Variants in ROR1 observed in about 807,000 individuals in gnomAD.
ROR1 encodes the protein ROR family WNT receptor 1, also known as inactive tyrosine-protein kinase transmembrane receptor ROR1.
ROR1 carries 19 observed loss-of-function variants against 78.8 expected under a neutral mutation model. The ratio of observed to expected loss-of-function variants is 0.24; its 90% CI spans 0.17 to 0.35. The LOEUF is 0.35. ROR1 is among the 10% of genes least tolerant of loss of function. The pLI is 1.00. For missense variants in ROR1, 917 were observed against 1,177.8 expected, an observed-to-expected ratio of 0.78 and a Z score of 3.24; for synonymous variants, 386 against 433.6, an observed-to-expected ratio of 0.89 and a Z score of 1.36.
chr1:63,917,426 A>G (rs2100424203), intron 1 of ROR1, among the ~76,000 whole-genome samples: 1 of 152,292 alleles, frequency 6.6e-6, no homozygotes, highest in Non-Finnish European at 1.5e-5. Flanking sequence ...TATACTTTAA[A>G]ATTTTTTTTC....
chr1:64,162,139 TA>T (rs1362777404), intron 8 of ROR1, among the ~76,000 whole-genome samples: 1 of 152,320 alleles, frequency 6.6e-6, no homozygotes, highest in East Asian at 1.9e-4. Context: ...GAATGAAGGA[TA>T]GAAGCCAGTC....
chr1:64,103,275 G>A (rs972452741), intron 4 of ROR1, among the ~76,000 whole-genome samples: 4 of 151,654 alleles, frequency 2.6e-5, no homozygotes, highest in Admixed American at 1.3e-4. Flanking sequence ...GGGATGGCAC[G>A]TTGTGCACAT....
intron 1 of ROR1, among the ~76,000 whole-genome samples, chr1:63,949,094 G>A (rs1645913274): frequency 6.6e-6 from 1 of 152,170 alleles, no homozygotes; most frequent in Non-Finnish European, 1.5e-5. Context: ...AGTGAGCCAG[G>A]TGTACTTTCC....
intron 1 of ROR1, among the ~76,000 whole-genome samples, chr1:63,949,115 C>T (rs1645913444): frequency 6.6e-6 from 1 of 152,164 alleles, no homozygotes; most frequent in African/African-American, 2.4e-5. Context: ...TCAAGCCCCG[C>T]TCAGGCATCT....
intron 4 of ROR1, among the ~76,000 whole-genome samples, chr1:64,095,696 A>C (rs867251580): frequency 6.6e-6 from 1 of 152,184 alleles, no homozygotes; most frequent in Non-Finnish European, 1.5e-5. Flanking sequence ...AGCTTACCCC[A>C]AAAATATCTG....
At chr1:63,936,036 A>G (rs1645791692) in intron 1 of ROR1, among the ~76,000 whole-genome samples, 1 of 152,226 alleles carries the variant, frequency 6.6e-6, no homozygotes, top group African/African-American at 2.4e-5. Context: ...CCAGGAATAA[A>G]ATGGGAAAGT....
In ROR1 at chr1:64,178,053, C is replaced by A. The variant is rs1650436061; in HGVS notation, c.2012C>A (p.Ser671Tyr). The stretch of plus-strand genomic sequence containing the variant: ...GCCATCATGTATGGCAAATTCTCTT[C>A]TGATTCAGATATCTGGTCCTTTGGG... ...PEAIMYGKFS[S>Y]DSDIWSFGVV... Residue 671 changes from serine (S) to tyrosine (Y), a missense_variant, in exon 9 of 9, where the codon TCT becomes TAT. Physicochemically the swap from Ser to Tyr is moderately radical, Grantham distance 144. Transcript: ENST00000371079. The surrounding 1 kb of genome is among the most constrained non-coding windows in gnomAD (Gnocchi z 4.3). 6.2e-7 allele frequency: 1 copy of A among 1,614,164 alleles called. No individual in the cohort carries two copies. Among genetic ancestry groups the A allele is most frequent in the Admixed American group, 1.7e-5 (1 of 60,026 alleles).
intron 1 of ROR1, among the ~76,000 whole-genome samples, chr1:63,989,256 T>A (rs946466695): frequency 4.0e-5 from 6 of 151,778 alleles, no homozygotes; most frequent in African/African-American, 1.5e-4. Context: ...GGTGTGGGAA[T>A]TTGAACAAAT....
chr1:63,802,293 G>A (rs1644802261), intron 1 of ROR1, among the ~76,000 whole-genome samples: 1 of 152,132 alleles, frequency 6.6e-6, no homozygotes, highest in Admixed American at 6.5e-5. Context: ...AGCATCCACG[G>A]AGCATCCTTG....
At chr1:63,860,193 C>T (rs576358402) in intron 1 of ROR1, among the ~76,000 whole-genome samples, 5 of 152,266 alleles carry the variant, frequency 3.3e-5, no homozygotes, top group African/African-American at 1.2e-4. Flanking sequence ...TCAGGCCTTT[C>T]TTCACCACAC....
chr1:64,098,958 T>G (rs892403923), intron 4 of ROR1, among the ~76,000 whole-genome samples: 28 of 152,086 alleles, frequency 1.8e-4, no homozygotes, highest in Admixed American at 1.4e-3. Context: ...TTGCCCTGTT[T>G]TACAGTTCAT....
At chr1:64,127,760 A>T (rs1648764073) in intron 4 of ROR1, among the ~76,000 whole-genome samples, 2 of 152,256 alleles carry the variant, frequency 1.3e-5, no homozygotes, top group Admixed American at 1.3e-4. Flanking sequence ...GGAAGAAGAA[A>T]TGAAGAGGAG....
intron 4 of ROR1, among the ~76,000 whole-genome samples, chr1:64,128,288 C>CTA (rs1306913318): frequency 4.5e-5 from 1 of 21,988 alleles, no homozygotes; most frequent in Non-Finnish European, 1.1e-4. Context: ...GACCCTGTCT[C>CTA]TACAAAAAAA....
chr1:63,990,890 A>G (rs1646290321), intron 1 of ROR1, among the ~76,000 whole-genome samples: 1 of 152,218 alleles, frequency 6.6e-6, no homozygotes, highest in South Asian at 2.1e-4. Flanking sequence ...ATAAGGCACT[A>G]TTATAGTTGA....
chr1:64,074,446 G>T (rs532175253), intron 4 of ROR1, among the ~76,000 whole-genome samples: 2 of 152,314 alleles, frequency 1.3e-5, no homozygotes, highest in East Asian at 3.9e-4. Context: ...CCTGGCAGAG[G>T]CTGAACTTGA....
At chr1:64,051,457 A>AAAAAAAAAAAAT (rs1359777733) in intron 4 of ROR1, among the ~76,000 whole-genome samples, 9 of 76,648 alleles carry the variant, frequency 1.2e-4, no homozygotes, top group African/African-American at 2.8e-4. Flanking sequence ...CTCAAAAATA[A>AAAAAAAAAAAAT]AAAATAAAAT....
chr1:63,846,310 T>G (rs1047832288), intron 1 of ROR1, among the ~76,000 whole-genome samples: 6 of 152,130 alleles, frequency 3.9e-5, no homozygotes, highest in African/African-American at 1.4e-4. Context: ...TCTTTGTAAT[T>G]CTTGTCAATT....
chr1:64,008,171 G>A (rs11208339), intron 1 of ROR1, among the ~76,000 whole-genome samples: 4,513 of 151,940 alleles, frequency 0.03, 251 homozygotes, highest in African/African-American at 0.1. Flanking sequence ...TCCTATCCAT[G>A]GTACCTATGA....
rs569458066 is a variant in ROR1, at chr1:64,072,187, G to T, written c.482+21471G>T. Among the ~76,000 whole-genome samples the T allele has an allele frequency of 4.8e-4, 73 of 152,308 alleles. 1 individual carries two copies. The highest frequency in any genetic ancestry group is 1.6e-3 in the African/African-American group (67 of 41,564). On this transcript the variant is annotated intron_variant, in intron 4 of 8. Transcript: ENST00000371079. ...GGAATAACAATAGCATCTATGCAAA[G>T]AATTGCAAGGATCATGAGAGATAAT...
Sources: gnomAD v4.1 joint callset for allele counts (sites outside exome capture counted in the v4.1 genomes callset) on GRCh38, gnomAD v4.1.1 for gene constraint, Gnocchi (gnomAD v3.1) non-coding constraint, MANE v1.5 for transcripts, NCBI Gene and HGNC (gene_info 2026-07-23, HGNC 2026-07-21) for gene names.